Variants in EYS observed in about 807,000 individuals in gnomAD.
EYS encodes protein eyes shut homolog.
Under a neutral mutation model 282.1 loss-of-function variants are expected in EYS, and 250 were observed. The ratio of observed to expected loss-of-function variants is 0.89; its 90% CI spans 0.80 to 0.98. The LOEUF (loss-of-function observed/expected upper bound fraction) is 0.98, where lower values mean the gene tolerates loss of function less well. Ranked by LOEUF, EYS falls within the 50% of genes least tolerant of loss-of-function variation. The pLI is 0.00. For synonymous variants in EYS, 1,355 were observed against 1,282.9 expected (o/e 1.06, Z -1.20); for missense variants, 4,016 against 3,709.0 (o/e 1.08, Z -2.15).
At chr6:65,107,372 A>T (rs1226388293) in intron 12 of EYS, among the ~76,000 whole-genome samples, 1 of 145,632 alleles carries the variant, frequency 6.9e-6, no homozygotes, top group African/African-American at 2.7e-5. Context: ...CCCACCTTTG[A>T]TATTAATGTT....
intron 31 of EYS, among the ~76,000 whole-genome samples, chr6:64,090,054 C>T (rs779075139): frequency 6.6e-6 from 1 of 152,132 alleles, no homozygotes; most frequent in Non-Finnish European, 1.5e-5. Flanking sequence ...TCTGACCCCA[C>T]TTCCTTTCTC....
intron 19 of EYS, among the ~76,000 whole-genome samples, chr6:64,832,573 G>C (rs1356981066): frequency 1.3e-5 from 2 of 151,736 alleles, no homozygotes; most frequent in East Asian, 3.9e-4. Flanking sequence ...AGAGTATTAG[G>C]ATAGGTTGCA....
chr6:64,563,979 T>C (rs1262420154), intron 26 of EYS, among the ~76,000 whole-genome samples: 1 of 151,896 alleles, frequency 6.6e-6, no homozygotes, highest in African/African-American at 2.4e-5. Context: ...TATCTCAATA[T>C]GGATTCAACA....
chr6:64,777,117 A>C (rs1210371420), intron 22 of EYS, among the ~76,000 whole-genome samples: 1 of 152,134 alleles, frequency 6.6e-6, no homozygotes, highest in Non-Finnish European at 1.5e-5. Context: ...TGAGAACAAG[A>C]TGGGGGGAAC....
intron 10 of EYS, among the ~76,000 whole-genome samples, chr6:65,339,589 TCA>T (rs752482229): frequency 1.8e-4 from 27 of 151,226 alleles, no homozygotes; most frequent in Admixed American, 1.1e-3. Flanking sequence ...TTGGTACTAT[TCA>T]CAGTTTCAGG....
At chr6:63,991,917 A>C (rs1310634419) in intron 34 of EYS, among the ~76,000 whole-genome samples, 1 of 151,786 alleles carries the variant, frequency 6.6e-6, no homozygotes, top group Non-Finnish European at 1.5e-5. Context: ...CTTGCACATC[A>C]GAAGGGAAAG....
chr6:65,616,082 A>G (rs1766190473), intron 2 of EYS, among the ~76,000 whole-genome samples: 1 of 150,630 alleles, frequency 6.6e-6, no homozygotes, highest in East Asian at 1.9e-4. Flanking sequence ...TTACTCTTAC[A>G]GTTTTTCAGT....
chr6:64,769,143 G>A (rs566522630), intron 22 of EYS, among the ~76,000 whole-genome samples: 1 of 152,154 alleles, frequency 6.6e-6, no homozygotes, highest in Non-Finnish European at 1.5e-5. Flanking sequence ...GGCGTAATGG[G>A]ACAGCAACTA....
At chr6:64,531,083 T>C (rs899685031) in intron 26 of EYS, among the ~76,000 whole-genome samples, 1 of 152,162 alleles carries the variant, frequency 6.6e-6, no homozygotes, top group Non-Finnish European at 1.5e-5. Flanking sequence ...AGAACTTACC[T>C]AAAGTAGTCA....
intron 26 of EYS, among the ~76,000 whole-genome samples, chr6:64,494,410 T>C (rs1776830120): frequency 6.6e-6 from 1 of 151,712 alleles, no homozygotes; most frequent in South Asian, 2.1e-4. Context: ...CCAGGCAAAA[T>C]GTATTGCACC....
chr6:64,671,709 G>T (rs1769467528), intron 22 of EYS, among the ~76,000 whole-genome samples: 1 of 151,850 alleles, frequency 6.6e-6, no homozygotes, highest in African/African-American at 2.4e-5. Context: ...AGGCTTCTCA[G>T]TTGTGTATTA....
intron 13 of EYS, among the ~76,000 whole-genome samples, chr6:65,005,221 C>G (rs1405066706): frequency 2.7e-5 from 4 of 148,028 alleles, no homozygotes; most frequent in African/African-American, 9.7e-5. Flanking sequence ...CATTGCCACT[C>G]CCGATCGGGC....
chr6:64,840,078 G>A lies in EYS; in HGVS notation c.2993-17256C>T, dbSNP rs574975683. ...TGTAGCACTACATAGTTGTGGTTAT[G>A]AACTCAAATATGGAGTCAAATAAAC... On this transcript the variant is annotated intron_variant, in intron 19 of 42. Coordinates refer to ENST00000503581, the MANE Select transcript of EYS (RefSeq NM_001142800.2). 2.0e-5 allele frequency among the ~76,000 whole-genome samples: 3 copies of A among 152,150 alleles called. No homozygotes were observed. The South Asian group carries it at 6.2e-4, about 32-fold the overall frequency.
At chr6:64,968,113 T>C (rs1770159314) in intron 14 of EYS, among the ~76,000 whole-genome samples, 1 of 152,170 alleles carries the variant, frequency 6.6e-6, no homozygotes, top group Non-Finnish European at 1.5e-5. Context: ...ATTACAGCCA[T>C]ATATAACACT....
In EYS at chr6:65,678,326, C is replaced by T. The variant is rs144680750; in HGVS notation, c.-448+28809G>A. Among the ~76,000 whole-genome samples the T allele has an allele frequency of 2.7e-3, 417 of 152,066 alleles. 2 individuals are homozygous for T. Among genetic ancestry groups the T allele is most frequent in the African/African-American group, 9.6e-3 (399 of 41,546 alleles). On this transcript the variant is annotated intron_variant, in intron 1 of 42. Transcript: ENST00000503581. ...CAACATGAGATCTGGAGGGGACAAA[C>T]ATTAAAATTATATCAGTATCTTCAA...
intron 30 of EYS, among the ~76,000 whole-genome samples, chr6:64,236,455 G>C (rs950222998): frequency 4.6e-5 from 7 of 152,152 alleles, no homozygotes; most frequent in African/African-American, 1.7e-4. Context: ...GAGTGGAATT[G>C]CTGGATTATA....
At chr6:65,364,795 T>C (rs1275596281) in intron 8 of EYS, among the ~76,000 whole-genome samples, 2 of 151,636 alleles carry the variant, frequency 1.3e-5, no homozygotes, top group East Asian at 1.9e-4. Context: ...CTTGGCCAAT[T>C]AGAATATTAT....
intron 40 of EYS, among the ~76,000 whole-genome samples, chr6:63,772,866 A>G (rs939127383): frequency 2.6e-5 from 4 of 152,024 alleles, no homozygotes; most frequent in African/African-American, 7.3e-5. Context: ...GTGTGTGTGT[A>G]ATCTTGCATT....
At chr6:65,591,309 C>CCTCAGCTCAATCAG (rs201517483) in intron 2 of EYS, among the ~76,000 whole-genome samples, 2,742 of 151,880 alleles carry the variant, frequency 0.018, 88 homozygotes, top group African/African-American at 0.063. Context: ...ATCAATCCTC[C>CCTCAGCTCAATCAG]CCCCTCAGCC....
Sources: gnomAD v4.1 joint callset for allele counts (sites outside exome capture counted in the v4.1 genomes callset) on GRCh38, gnomAD v4.1.1 for gene constraint, MANE v1.5 for transcripts, NCBI Gene and HGNC (gene_info 2026-07-23, HGNC 2026-07-21) for gene names.